Variants in NEGR1 observed in about 807,000 individuals in gnomAD.
NEGR1 encodes neuronal growth regulator 1, also known as IgLON family member 4.
NEGR1 carries 10 observed loss-of-function variants against 40.9 expected under a neutral mutation model. That is an observed-to-expected ratio of 0.24 (90% confidence interval 0.15 to 0.42). The LOEUF (loss-of-function observed/expected upper bound fraction) is 0.42. Among genes scored for constraint, NEGR1 ranks in the 10% least tolerant of loss-of-function variants. The pLI is 1.00. For missense variants in NEGR1, 352 were observed against 438.9 expected, an observed-to-expected ratio of 0.80 and a Z score of 1.77; for synonymous variants, 185 against 166.8, an observed-to-expected ratio of 1.11 and a Z score of -0.84.
At chr1:71,869,883 C>A (rs1467835139) in intron 2 of NEGR1, among the ~76,000 whole-genome samples, 1 of 136,068 alleles carries the variant, frequency 7.3e-6, no homozygotes, top group South Asian at 2.3e-4. Flanking sequence ...TTCTTTCTTT[C>A]TTTTTTTTTT....
intron 1 of NEGR1, among the ~76,000 whole-genome samples, chr1:72,026,110 CAAAAAAAAAAAAAAAAA>C (rs1172589239): frequency 1.3e-4 from 4 of 31,146 alleles, no homozygotes; most frequent in South Asian, 1.7e-3. Context: ...GACTCCGTCT[CAAAAAAAAAAAAAAAAA>C]AAAAAAAAAA....
At chr1:71,973,439 A>G (rs1394902656) in intron 1 of NEGR1, among the ~76,000 whole-genome samples, 1 of 152,072 alleles carries the variant, frequency 6.6e-6, no homozygotes, top group African/African-American at 2.4e-5. Context: ...AATAATAAAT[A>G]TCTGTTCTTT....
intron 2 of NEGR1, among the ~76,000 whole-genome samples, chr1:71,852,355 T>C (rs945150624): frequency 6.6e-6 from 1 of 152,158 alleles, no homozygotes; most frequent in African/African-American, 2.4e-5. Context: ...ATATTTTGTT[T>C]GGCCACACAG....
chr1:71,747,427 C>CTT (rs56846032), intron 3 of NEGR1, among the ~76,000 whole-genome samples: 2 of 141,804 alleles, frequency 1.4e-5, no homozygotes, highest in Admixed American at 7.1e-5. Flanking sequence ...CTTCTTACAT[C>CTT]TTTTTTTTTT....
At chr1:71,899,251 T>A (rs1661081066) in intron 2 of NEGR1, among the ~76,000 whole-genome samples, 1 of 151,930 alleles carries the variant, frequency 6.6e-6, no homozygotes, top group African/African-American at 2.4e-5. Context: ...AACGCAGATC[T>A]TAGATTTAGA....
chr1:71,453,516 G>GA (rs746640791), intron 6 of NEGR1, among the ~76,000 whole-genome samples: 1 of 151,996 alleles, frequency 6.6e-6, no homozygotes, highest in Non-Finnish European at 1.5e-5. Context: ...AGTTTCATAG[G>GA]AAAACAACAA....
At chr1:71,912,613 G>C (rs528526417) in intron 2 of NEGR1, among the ~76,000 whole-genome samples, 1 of 152,194 alleles carries the variant, frequency 6.6e-6, no homozygotes, top group African/African-American at 2.4e-5. Context: ...GTCTTAAAGG[G>C]GAGTATAGTA....
At chr1:71,507,426 G>C (rs1197590981) in intron 6 of NEGR1, among the ~76,000 whole-genome samples, 2 of 152,130 alleles carry the variant, frequency 1.3e-5, no homozygotes, top group African/African-American at 4.8e-5. Context: ...GGGACCCCAG[G>C]CTCTGTGTAA....
At chr1:71,438,961 C>A (rs1028612518) in intron 6 of NEGR1, among the ~76,000 whole-genome samples, 8 of 152,152 alleles carry the variant, frequency 5.3e-5, no homozygotes, top group African/African-American at 1.7e-4. Context: ...AGGTGTCTGA[C>A]TGAAGCATAT....
At chr1:72,274,680 G>GA (rs1332543990) in intron 1 of NEGR1, 18 of 956,068 alleles carry the variant, frequency 1.9e-5, no homozygotes, top group Non-Finnish European at 2.9e-5. Context: ...CCTATATGCT[G>GA]AAAAAACCCA....
At chr1:71,450,534 T>C (rs983704330) in intron 6 of NEGR1, among the ~76,000 whole-genome samples, 3 of 151,952 alleles carry the variant, frequency 2.0e-5, no homozygotes, top group African/African-American at 7.2e-5. Context: ...TGGCTGGGCA[T>C]GGTGGCTCAT....
chr1:72,049,820 C>T (rs946448685), intron 1 of NEGR1, among the ~76,000 whole-genome samples: 1 of 151,528 alleles, frequency 6.6e-6, no homozygotes, highest in African/African-American at 2.4e-5. Context: ...GTTATTATTT[C>T]GCTCTATAAA....
intron 2 of NEGR1, among the ~76,000 whole-genome samples, chr1:71,795,443 C>G (rs951066013): frequency 2.6e-5 from 4 of 151,994 alleles, no homozygotes; most frequent in African/African-American, 4.8e-5. Flanking sequence ...GAGATGTTCT[C>G]AAAATATATC....
chr1:71,943,857 G>GTAGA (rs1192630889), intron 1 of NEGR1, among the ~76,000 whole-genome samples: 2 of 152,118 alleles, frequency 1.3e-5, no homozygotes, highest in Non-Finnish European at 2.9e-5. Flanking sequence ...ATTCTGAGAA[G>GTAGA]TAGATAGGTC....
rs147978120 is a variant in NEGR1 at position 71,744,284 on chromosome 1, C to CATATATATATATATATATAT, written c.535+31887_535+31888insATATATATATATATATATAT. Among the ~76,000 whole-genome samples, 808 of 137,044 alleles carry CATATATATATATATATATAT rather than the reference C, an allele frequency of 5.9e-3. 8 individuals carry two copies. Among genetic ancestry groups the CATATATATATATATATATAT allele is most frequent in the African/African-American group, 0.013 (456 of 36,196 alleles). 89.9% of individuals were successfully genotyped at this position (137,044 alleles called of 152,430 possible). A position where few individuals can be genotyped will look rare whatever the true frequency, so the allele number is the denominator to read the frequency against. The stretch of plus-strand genomic sequence containing the variant: ...ATAATAATATGTTTATGACAAATAA[C>CATATATATATATATATATAT]ATATATATATATATATATAAAGTGC... On this transcript the variant is annotated intron_variant, in intron 3 of 6. Transcript: ENST00000357731.
At chr1:72,125,499 C>T (rs989667468) in intron 1 of NEGR1, among the ~76,000 whole-genome samples, 16 of 151,940 alleles carry the variant, frequency 1.1e-4, no homozygotes, top group African/African-American at 3.1e-4. Context: ...TACTGAATTG[C>T]ATAGGCTTAT....
At chr1:71,585,735 G>T (rs544450137) in intron 6 of NEGR1, among the ~76,000 whole-genome samples, 47 of 123,802 alleles carry the variant, frequency 3.8e-4, no homozygotes, top group African/African-American at 1.3e-3. Flanking sequence ...GAATGCTTAT[G>T]TGCATGGCTG....
At chr1:72,191,375 C>G (rs1342862) in intron 1 of NEGR1, among the ~76,000 whole-genome samples, 1 of 151,712 alleles carries the variant, frequency 6.6e-6, no homozygotes, top group African/African-American at 2.4e-5. Context: ...TGAGGCAATA[C>G]CTGATAGTTT....
chr1:72,116,840 A>G (rs1046607390), intron 1 of NEGR1, among the ~76,000 whole-genome samples: 4 of 151,760 alleles, frequency 2.6e-5, no homozygotes, highest in African/African-American at 7.2e-5. Flanking sequence ...AATGCCCTCC[A>G]ATATTCACAT....
Sources: gnomAD v4.1 joint callset for allele counts (sites outside exome capture counted in the v4.1 genomes callset) on GRCh38, gnomAD v4.1.1 for gene constraint, MANE v1.5 for transcripts, NCBI Gene and HGNC (gene_info 2026-07-23, HGNC 2026-07-21) for gene names.